Variants in FOXP1 observed in about 807,000 individuals in gnomAD.
The protein encoded by FOXP1 is forkhead box P1.
A neutral mutation model predicts 98.2 loss-of-function variants in FOXP1; 15 were observed. The observed-to-expected ratio is 0.15, with a 90% CI of 0.10 to 0.24. The LOEUF is 0.24. FOXP1 is among the 10% of genes least tolerant of loss of function. The pLI is 1.00. For missense variants in FOXP1, 633 were observed against 848.5 expected, an observed-to-expected ratio of 0.75 and a Z score of 3.15; for synonymous variants, 371 against 314.5, an observed-to-expected ratio of 1.18 and a Z score of -1.90.
At chr3:71,567,653 T>C (rs2047007762) in intron 2 of FOXP1, among the ~76,000 whole-genome samples, 1 of 152,198 alleles carries the variant, frequency 6.6e-6, no homozygotes, top group African/African-American at 2.4e-5. Context: ...TTGCATTCTG[T>C]AAGCCTTGGG....
intron 4 of FOXP1, among the ~76,000 whole-genome samples, chr3:71,358,801 T>C (rs1007641799): frequency 5.3e-5 from 8 of 152,160 alleles, no homozygotes; most frequent in African/African-American, 1.9e-4. Context: ...TTGTATATTA[T>C]CTATGGCTGC....
chr3:71,092,401 G>T (rs1037866698), intron 7 of FOXP1, among the ~76,000 whole-genome samples: 1 of 151,794 alleles, frequency 6.6e-6, no homozygotes, highest in African/African-American at 2.4e-5. Context: ...AGAAAACCAG[G>T]ATGTGCCAGT....
rs72420028 is a variant in FOXP1 at position 71,420,713 on chromosome 3, C to CTT, written c.-167-61471_-167-61470dup. ...CATCTGAGTTTCTATCCTTTTTTTT[C>CTT]TTTTTTTTTTTGAGACAGGGTCTCA... On this transcript the variant is annotated intron_variant, in intron 3 of 20. Transcript: ENST00000649528. Among the ~76,000 whole-genome samples the CTT allele has an allele frequency of 2.8e-3, 409 of 145,668 alleles. 2 individuals are homozygous for CTT. The highest frequency in any genetic ancestry group is 9.9e-3 in the African/African-American group (393 of 39,872).
rs568322127 is a variant in FOXP1, at chr3:71,277,248, G to A, written c.-12+22572C>T. ...GCTGGGATTACAGGCATGAGCCACC[G>A]CACCTGGCTGAACTTTTTTTTTTTT... On this transcript the variant is annotated intron_variant, in intron 5 of 20. Coordinates refer to ENST00000649528, the MANE Select transcript of FOXP1 (RefSeq NM_001349338.3). Among the ~76,000 whole-genome samples, 720 of 148,112 alleles carry A rather than the reference G, an allele frequency of 4.9e-3. 9 individuals are homozygous for A. The highest frequency in any genetic ancestry group is 6.7e-3 in the Non-Finnish European group (454 of 67,294).
At chr3:70,994,477 G>C (rs1399000610) in intron 13 of FOXP1, among the ~76,000 whole-genome samples, 1 of 152,042 alleles carries the variant, frequency 6.6e-6, no homozygotes, top group Non-Finnish European at 1.5e-5. Flanking sequence ...GGCTCCCTTG[G>C]CCTGGAATGT....
In FOXP1 at chr3:71,049,302, A is replaced by G. The variant is rs1290721520; in HGVS notation, c.511-2207T>C. The stretch of plus-strand genomic sequence containing the variant: ...ACAAACGGCCCTTTTAAAACAATCA[A>G]CTTAGCCTACCTCACCCGCACAGGA... On this transcript the variant is annotated intron_variant, in intron 9 of 20. Transcript: ENST00000649528. Among the ~76,000 whole-genome samples, 5 of 152,102 alleles carry G rather than the reference A, an allele frequency of 3.3e-5. 1 individual carries two copies. The highest frequency in any genetic ancestry group is 1.2e-4 in the African/African-American group (5 of 41,424).
At chr3:71,128,667 A>G (rs2059382578) in intron 6 of FOXP1, among the ~76,000 whole-genome samples, 1 of 152,170 alleles carries the variant, frequency 6.6e-6, no homozygotes, top group South Asian at 2.1e-4. Flanking sequence ...GGTTTGTCCA[A>G]TGGTATTATT....
At chr3:71,050,173 T>C (rs2049664576) in intron 9 of FOXP1, among the ~76,000 whole-genome samples, 1 of 152,190 alleles carries the variant, frequency 6.6e-6, no homozygotes, top group Non-Finnish European at 1.5e-5. Context: ...ACTATCATCT[T>C]TGTGCTCTGA....
intron 3 of FOXP1, among the ~76,000 whole-genome samples, chr3:71,439,435 G>C (rs2085695068): frequency 6.6e-6 from 1 of 152,114 alleles, no homozygotes; most frequent in South Asian, 2.1e-4. Context: ...AGAAAACTTA[G>C]AAGAAGGAAA....
Position 71,015,549 on chromosome 3 carries a change from T to C in FOXP1, c.974A>G (p.Lys325Arg), listed in dbSNP as rs780119377. The change falls in exon 12 of 21, where the codon AAA (lysine) becomes AGA (arginine). Residue 325 changes from lysine (K) to arginine (R), a missense_variant and splice_region_variant. Lys to Arg is a conservative substitution (Grantham distance 26). This residue lies in a region of FOXP1 where 23 missense variants were observed against 92.9 expected (regional missense o/e 0.25). Transcript: ENST00000649528. ...GAAAACAAAATAAAATCATTCTTACTTTAGAAATGATTGGAAATCTTCGCA... is the reference window on the plus strand; with the variant it reads ...GAAAACAAAATAAAATCATTCTTACCTTAGAAATGATTGGAAATCTTCGCA... The part of the protein sequence containing the change: ...AVCEDFQSFL[K>R]HLNSEHALDD... The C allele has an allele frequency of 1.3e-6, 2 of 1,592,242 alleles. No homozygotes were observed. Among genetic ancestry groups the C allele is most frequent in the Admixed American group, 3.3e-5 (2 of 59,904 alleles).
rs913657765 is a variant in FOXP1, at chr3:71,438,225, T to C, written c.-168+55201A>G. 1.1e-4 allele frequency among the ~76,000 whole-genome samples: 16 copies of C among 152,352 alleles called. No individual in the cohort carries two copies. In the South Asian group the frequency reaches 1.2e-3, roughly 12 times the overall value. ...TCTGGTTTTGCTCAGCACTGAATTC[T>C]TGGCTCTTAAAATCTATTTCTGAAT... On this transcript the variant is annotated intron_variant, in intron 3 of 20. Transcript: ENST00000649528.
chr3:71,027,749 C>T (rs868373830), intron 11 of FOXP1, among the ~76,000 whole-genome samples: 2 of 152,132 alleles, frequency 1.3e-5, no homozygotes, highest in African/African-American at 4.8e-5. Flanking sequence ...ATATACATTT[C>T]TCACCCTCTT....
At chr3:70,975,051 G>T (rs1303625788) in intron 17 of FOXP1, among the ~76,000 whole-genome samples, 2 of 152,086 alleles carry the variant, frequency 1.3e-5, no homozygotes, top group African/African-American at 4.8e-5. Flanking sequence ...TACAAACAAG[G>T]ACACGTACAG....
intron 3 of FOXP1, among the ~76,000 whole-genome samples, chr3:71,389,091 A>G (rs892187543): frequency 1.3e-5 from 2 of 152,042 alleles, no homozygotes; most frequent in Non-Finnish European, 2.9e-5. Flanking sequence ...GTATTTGTGT[A>G]CTGATAGGAC....
At chr3:71,231,601 A>G (rs2066293425) in intron 5 of FOXP1, among the ~76,000 whole-genome samples, 1 of 152,250 alleles carries the variant, frequency 6.6e-6, no homozygotes, top group Non-Finnish European at 1.5e-5. Flanking sequence ...TGCATTAGGC[A>G]AAAAACATAA....
chr3:71,436,380 C>T (rs913424175), intron 3 of FOXP1, among the ~76,000 whole-genome samples: 3 of 152,220 alleles, frequency 2.0e-5, no homozygotes, highest in East Asian at 3.9e-4. Flanking sequence ...CTGCATGGAA[C>T]AACTGTGCCG....
At chr3:71,489,412 G>A (rs755839024) in intron 3 of FOXP1, among the ~76,000 whole-genome samples, 6 of 152,194 alleles carry the variant, frequency 3.9e-5, no homozygotes, top group Non-Finnish European at 5.9e-5. Flanking sequence ...TGGTAGAGAC[G>A]ATGCAATGAC....
intron 3 of FOXP1, among the ~76,000 whole-genome samples, chr3:71,377,566 C>T (rs531588031): frequency 2.5e-4 from 38 of 152,190 alleles, no homozygotes; most frequent in Admixed American, 2.4e-3. Flanking sequence ...CCAAGGTCAC[C>T]GAGTTCCTAA....
chr3:71,175,313 A>G (rs558563675), intron 6 of FOXP1, among the ~76,000 whole-genome samples: 43 of 152,162 alleles, frequency 2.8e-4, no homozygotes, highest in Non-Finnish European at 5.4e-4. Flanking sequence ...AGCTTGACTT[A>G]CTTCTTTGGC....
Sources: allele counts gnomAD v4.1 joint callset (sites outside exome capture counted in the v4.1 genomes callset), GRCh38; gene constraint gnomAD v4.1.1; regional missense constraint gnomAD v4.1.1; transcripts MANE v1.5; gene names NCBI Gene and HGNC (gene_info 2026-07-23, HGNC 2026-07-21).